GCFC2: variants seen among roughly 807,000 people sequenced by gnomAD.
GCFC2 encodes intron Large complex component GCFC2.
Under a neutral mutation model 99.4 loss-of-function variants are expected in GCFC2, and 102 were observed. The ratio of observed to expected loss-of-function variants is 1.03; its 90% CI spans 0.87 to 1.21. The LOEUF (loss-of-function observed/expected upper bound fraction) is 1.21, where lower values mean the gene tolerates loss of function less well. Among genes scored for constraint, GCFC2 ranks in the 50% most tolerant of loss-of-function variants. The pLI, the probability that GCFC2 is intolerant of heterozygous loss-of-function variation, is 0.00. For synonymous variants in GCFC2, 338 were observed against 316.8 expected (o/e 1.07, Z -0.71); for missense variants, 973 against 920.9 (o/e 1.06, Z -0.73).
Position 75,694,382 on chromosome 2 carries a change from A to G in GCFC2, c.879T>C (p.Tyr293=). 6.5e-7 allele frequency: 1 copy of G among 1,532,976 alleles called. No individual in the cohort carries two copies. Among genetic ancestry groups the G allele is most frequent in the Non-Finnish European group, 8.9e-7 (1 of 1,125,974 alleles). 95.0% of individuals were successfully genotyped at this position (1,532,976 alleles called of 1,614,324 possible). ...TTTTGACATCTTGTACGTATTTTTCATACTCCCTCAGGTGTGAGCGGTGAG... is the reference window on the plus strand; with the variant it reads ...TTTTGACATCTTGTACGTATTTTTCGTACTCCCTCAGGTGTGAGCGGTGAG... ...QETHRSHLRE[Y]EKYVQDVKSS... The change falls in exon 6 of 17, where the codon TAT becomes TAC. Residue 293 remains tyrosine (Y), a synonymous_variant. Transcript: ENST00000321027.
At chr2:75,694,143 TAGAGA>T in intron 6 of GCFC2, 93 bp downstream of exon 6, 1 of 406,640 alleles carries the variant, frequency 2.5e-6, no homozygotes, top group Non-Finnish European at 4.4e-6. Flanking sequence ...GGAAAAATAC[TAGAGA>T]AAAGTATCTA....
intron 15 of GCFC2, among the ~76,000 whole-genome samples, chr2:75,667,924 C>A (rs1181019535): frequency 6.6e-6 from 1 of 151,912 alleles, no homozygotes; most frequent in Non-Finnish European, 1.5e-5. Context: ...ATAGCCAGAA[C>A]AATCATGGTT....
Position 75,706,439 on chromosome 2 carries a change from A to C in GCFC2, c.394+84T>G, listed in dbSNP as rs1680866510. 6 of 868,526 alleles carry C rather than the reference A, an allele frequency of 6.9e-6. No individual in the cohort carries two copies. In the South Asian group the frequency reaches 1.1e-4, roughly 16 times the overall value. The allele number at this position is 868,526 out of a possible 1,614,324, so 53.8% of individuals were successfully genotyped here. On this transcript the variant is annotated intron_variant, in intron 2 of 16. Coordinates refer to ENST00000321027, the MANE Select transcript of GCFC2 (RefSeq NM_003203.5). ...AATGACCTACTTGCCCCATGTCACT[A>C]GAGTTTGTTATGTCATTAATAACTA... is the stretch of plus-strand genomic sequence containing the variant.
At chr2:75,685,206 A>C (rs915369500) in intron 11 of GCFC2, among the ~76,000 whole-genome samples, 5 of 152,166 alleles carry the variant, frequency 3.3e-5, no homozygotes, top group Non-Finnish European at 7.4e-5. Flanking sequence ...TTAAAGTATA[A>C]TAATAAACAA....
At chr2:75,670,083 T>C in intron 15 of GCFC2, 55 bp downstream of exon 15, 1 of 1,208,632 alleles carries the variant, frequency 8.3e-7, no homozygotes, top group Non-Finnish European at 1.2e-6. Flanking sequence ...TAGATTTTAA[T>C]AGCTAAATTT....
At position 75,691,963 on chromosome 2, in the gene GCFC2, C is replaced by A; in HGVS notation, c.1144+14G>T. 1 of 1,410,362 alleles carries A rather than the reference C, an allele frequency of 7.1e-7. No individual in the cohort carries two copies. Among genetic ancestry groups the A allele is most frequent in the Non-Finnish European group, 9.5e-7 (1 of 1,054,308 alleles). The allele number at this position is 1,410,362 out of a possible 1,614,324, so 87.4% of individuals were successfully genotyped here. A position where few individuals can be genotyped will look rare whatever the true frequency, so the allele number is the denominator to read the frequency against. On this transcript the variant is annotated intron_variant, in intron 7 of 16. Transcript: ENST00000321027. Reference sequence around the variant, plus strand: ...AATGAATAATAAATTGTATGGAACACGAAAAACACTAACGTGATAACTGTT... The same window carrying A: ...AATGAATAATAAATTGTATGGAACAAGAAAAACACTAACGTGATAACTGTT...
In GCFC2 at chr2:75,694,372, C is replaced by T. The variant is rs373951174; in HGVS notation, c.889G>A (p.Val297Ile). Residue 297 changes from valine to isoleucine, a missense_variant, in exon 6 of 17, where the codon GTA becomes ATA. Coordinates refer to ENST00000321027, the MANE Select transcript of GCFC2 (RefSeq NM_003203.5). ...RSHLREYEKY[V>I]QDVKSSKSTI... ...CTCTTTGAGCTTTTGACATCTTGTA[C>T]GTATTTTTCATACTCCCTCAGGTGT... 3.0e-5 allele frequency: 46 copies of T among 1,531,780 alleles called. No homozygotes were observed. Among genetic ancestry groups the T allele is most frequent in the Middle Eastern group, 1.7e-4 (1 of 5,850 alleles). 94.9% of individuals were successfully genotyped at this position (1,531,780 alleles called of 1,614,324 possible). A position where few individuals can be genotyped will look rare whatever the true frequency, so the allele number is the denominator to read the frequency against.
intron 1 of GCFC2, among the ~76,000 whole-genome samples, chr2:75,708,645 G>A (rs1680978366): frequency 6.6e-6 from 1 of 151,328 alleles, no homozygotes; most frequent in Non-Finnish European, 1.5e-5. Flanking sequence ...TGAGTAGCTG[G>A]GATTACAGGC....
At position 75,687,832 on chromosome 2, in the gene GCFC2, A is replaced by C. The variant is rs1679886311; in HGVS notation, c.1685T>G (p.Leu562Arg). The change falls in exon 11 of 17, where the codon CTT (leucine) becomes CGT (arginine). Residue 562 changes from leucine to arginine, a missense_variant. Transcript: ENST00000321027. ...CCAAGGTTACGAAGCAGTACCTGTAAGTCGGGGAATAATTGTTTTGTTGAT... is the reference window on the plus strand; with the variant it reads ...CCAAGGTTACGAAGCAGTACCTGTACGTCGGGGAATAATTGTTTTGTTGAT... ...AIINKTIIPR[L>R]TDFVEFLWDP... 6 of 1,604,716 alleles carry C rather than the reference A, an allele frequency of 3.7e-6. No homozygotes were observed. In the East Asian group the frequency reaches 1.3e-4, roughly 36 times the overall value.
intron 12 of GCFC2, among the ~76,000 whole-genome samples, chr2:75,675,331 G>C (rs550050413): frequency 6.6e-6 from 1 of 152,242 alleles, no homozygotes; most frequent in Admixed American, 6.5e-5. Context: ...TAAAGCCAAT[G>C]GGGCAAAATA....
chr2:75,690,567 T>G, intron 8 of GCFC2, 71 bp downstream of exon 8: 1 of 781,056 alleles, frequency 1.3e-6, no homozygotes, highest in Non-Finnish European at 2.2e-6. Context: ...ATCATGTGGT[T>G]AATTATATTT....
upstream of GCFC2, among the ~76,000 whole-genome samples, chr2:75,711,700 G>A (rs532496914): frequency 1.3e-5 from 2 of 152,250 alleles, no homozygotes; most frequent in East Asian, 3.9e-4. Flanking sequence ...CCCGGGCAGT[G>A]AGGGACTTGG....
rs73939109 is a variant in GCFC2 at position 75,704,393 on chromosome 2, A to G, written c.395-1970T>C. ...TCCTCCATCTTTTCTTCGCCAGCCA[A>G]TAAGTCCTTCGAACTTTCAGGTGTT... On this transcript the variant is annotated intron_variant, in intron 2 of 16. Coordinates refer to ENST00000321027, the MANE Select transcript of GCFC2 (RefSeq NM_003203.5). Among the ~76,000 whole-genome samples, 1,055 of 152,336 alleles carry G rather than the reference A, an allele frequency of 6.9e-3. 8 individuals are homozygous for G. The highest frequency in any genetic ancestry group is 0.024 in the African/African-American group (1,008 of 41,570).
At chr2:75,712,563 T>G (rs1159820651), upstream of GCFC2, among the ~76,000 whole-genome samples, 2 of 152,172 alleles carry the variant, frequency 1.3e-5, no homozygotes, top group Non-Finnish European at 2.9e-5. Context: ...CAGCCAGCAG[T>G]GGCAACCCGC....
chr2:75,710,036 C>T (rs1681070357), intron 1 of GCFC2, among the ~76,000 whole-genome samples: 1 of 152,088 alleles, frequency 6.6e-6, no homozygotes, highest in South Asian at 2.1e-4. Context: ...TTACTGGTAC[C>T]ATCTACAGTG....
At chr2:75,671,901 A>C in intron 14 of GCFC2, 49 bp downstream of exon 14, 1 of 870,698 alleles carries the variant, frequency 1.1e-6, no homozygotes. Flanking sequence ...TCTATAGTAA[A>C]CAGGATTTTT....
Position 75,710,865 on chromosome 2 carries a change from C to G in GCFC2, c.-10G>C. 1 of 1,541,754 alleles carries G rather than the reference C, an allele frequency of 6.5e-7. No homozygotes were observed. Among genetic ancestry groups the G allele is most frequent in the South Asian group, 1.2e-5 (1 of 85,684 alleles). On this transcript the variant is annotated 5_prime_UTR_variant, in exon 1 of 17. Coordinates refer to ENST00000321027, the MANE Select transcript of GCFC2 (RefSeq NM_003203.5). ...TCGGCCTGTGAGCCATGGCCGAGGCCCGAGCGCCCGGCGCCCTAGAACCCG... is the reference window on the plus strand; with the variant it reads ...TCGGCCTGTGAGCCATGGCCGAGGCGCGAGCGCCCGGCGCCCTAGAACCCG...
At position 75,710,849 on chromosome 2, in the gene GCFC2, G is replaced by A; in HGVS notation, c.7C>T (p.His3Tyr). Reference protein sequence around the residue: MAHRPKRTFRQRA... With the variant: MAYRPKRTFRQRA... ...TGCCGAAAAGTCCTTTTCGGCCTGT[G>A]AGCCATGGCCGAGGCCCGAGCGCCC... Residue 3 changes from histidine to tyrosine, a missense_variant, in exon 1 of 17, where the codon CAC becomes TAC. His to Tyr is a moderately conservative substitution (Grantham distance 83). Transcript: ENST00000321027. 1 of 1,569,260 alleles carries A rather than the reference G, an allele frequency of 6.4e-7. No individual in the cohort carries two copies. The highest frequency in any genetic ancestry group is 1.7e-5 in the Admixed American group (1 of 57,702).
At chr2:75,680,395 C>T (rs999267910) in intron 11 of GCFC2, 81 bp from the exon 12 acceptor site, 26 of 1,087,812 alleles carry the variant, frequency 2.4e-5, no homozygotes, top group Non-Finnish European at 3.3e-5. Flanking sequence ...AGACCTTTAA[C>T]AAACACTACT....
Sources: allele counts gnomAD v4.1 joint callset (sites outside exome capture counted in the v4.1 genomes callset), GRCh38; gene constraint gnomAD v4.1.1; transcripts MANE v1.5; gene names NCBI Gene and HGNC (gene_info 2026-07-23, HGNC 2026-07-21).